PKHD1: variants seen among roughly 807,000 people sequenced by gnomAD.
The protein encoded by PKHD1 is fibrocystin.
A neutral mutation model predicts 412.0 loss-of-function variants in PKHD1; 291 were observed. That is an observed-to-expected ratio of 0.71 (90% CI 0.64 to 0.78). PKHD1 has a LOEUF of 0.78. Among genes scored for constraint, PKHD1 ranks in the 30% least tolerant of loss-of-function variants. The pLI is 0.00. For synonymous variants in PKHD1, 1,777 were observed against 1,821.5 expected, an observed-to-expected ratio of 0.98 and a Z score of 0.62; for missense variants, 4,825 against 4,950.7, an observed-to-expected ratio of 0.97 and a Z score of 0.76.
chr6:52,045,156 T>C, intron 24 of PKHD1, 68 bp from the exon 25 acceptor site: 1 of 1,498,270 alleles, frequency 6.7e-7, no homozygotes. Context: ...AATCAAATAA[T>C]AAAGAGTTTT....
intron 60 of PKHD1, among the ~76,000 whole-genome samples, chr6:51,730,078 T>G (rs1003585084): frequency 6.6e-5 from 10 of 152,190 alleles, no homozygotes; most frequent in African/African-American, 2.4e-4. Flanking sequence ...CTTTGCAAAT[T>G]TTTTCAGTTG....
chr6:51,885,260 ATGAT>A (rs894270118), intron 45 of PKHD1, among the ~76,000 whole-genome samples: 6 of 152,186 alleles, frequency 3.9e-5, no homozygotes, highest in African/African-American at 1.4e-4. Flanking sequence ...TGAAGAGTAA[ATGAT>A]TGAACATGAA....
intron 57 of PKHD1, among the ~76,000 whole-genome samples, chr6:51,752,756 G>C (rs1379696722): frequency 6.6e-6 from 1 of 152,170 alleles, no homozygotes; most frequent in Admixed American, 6.6e-5. Context: ...AAACAAGAAA[G>C]ATTGAACTGA....
Position 51,638,955 on chromosome 6 carries a change from C to T in PKHD1, c.11400G>A (p.Gly3800=), listed in dbSNP as rs149427926. Residue 3800 remains glycine, a splice_region_variant and synonymous_variant, in exon 64 of 67, where the codon GGG becomes GGA. Transcript: ENST00000371117. ...CATCTTGAGTTTCTGCCTGGGTGCA[C>T]CCTACAAAAAAGTACAAAACAAAAA... is the stretch of plus-strand genomic sequence containing the variant. ...LEGASDSVLK[G]CTQAETQDGY... is the part of the protein sequence containing the mutation. 341 of 1,610,040 alleles carry T rather than the reference C, an allele frequency of 2.1e-4. 1 individual carries two copies. The highest frequency in any genetic ancestry group is 5.3e-5 in the African/African-American group (4 of 74,816).
In PKHD1 at chr6:52,071,040, C is replaced by T. The variant is rs144025892; in HGVS notation, c.633G>A (p.Gly211=). Residue 211 remains glycine, a synonymous_variant, in exon 9 of 67, where the codon GGG becomes GGA. Transcript: ENST00000371117. ...CYPIQEDHGL[G]TLQCHVEGDY... ...CGCCTTCCACATGGCACTGCAGAGT[C>T]CCAAGACCATGGTCCTCCTGAATAG... 2.6e-4 allele frequency: 422 copies of T among 1,608,214 alleles called. 1 individual carries two copies. In the Middle Eastern group the frequency reaches 3.0e-3, roughly 11 times the overall value.
rs543749463 is a variant in PKHD1 at position 51,949,536 on chromosome 6, C to T, written c.5908+10334G>A. Among the ~76,000 whole-genome samples the T allele has an allele frequency of 1.6e-3, 248 of 152,320 alleles. 3 individuals carry two copies. The highest frequency in any genetic ancestry group is 5.4e-3 in the African/African-American group (226 of 41,560). ...TGCATTGTGACACGGATGGACACAGCTTCCTTTGTTGGCAAGATCCGGATT... is the reference window on the plus strand; with the variant it reads ...TGCATTGTGACACGGATGGACACAGTTTCCTTTGTTGGCAAGATCCGGATT... On this transcript the variant is annotated intron_variant, in intron 36 of 66. Coordinates refer to ENST00000371117, the MANE Select transcript of PKHD1 (RefSeq NM_138694.4).
rs1766286798 is a variant in PKHD1 at position 51,619,103 on chromosome 6, T to C, written c.12203A>G (p.Glu4068Gly). 2.5e-6 allele frequency: 4 copies of C among 1,614,216 alleles called. No individual in the cohort carries two copies. Among genetic ancestry groups the C allele is most frequent in the Non-Finnish European group, 3.4e-6 (4 of 1,180,020 alleles). ...EAFCLHSVHP[E>G]TIQEQL Reference sequence around the variant, plus strand: ...TGATCACAGTTGCTCCTGAATAGTTTCCGGGTGTACTGAATGAAGGCAGAA... The same window carrying C: ...TGATCACAGTTGCTCCTGAATAGTTCCCGGGTGTACTGAATGAAGGCAGAA... Residue 4068 changes from glutamate to glycine, a missense_variant, in exon 67 of 67, where the codon GAA becomes GGA. By Grantham distance (98) the Glu-to-Gly change is moderately conservative (BLOSUM62 -2). Transcript: ENST00000371117.
chr6:51,707,737 G>A (rs1228500718), intron 60 of PKHD1, among the ~76,000 whole-genome samples: 1 of 152,042 alleles, frequency 6.6e-6, no homozygotes, highest in Non-Finnish European at 1.5e-5. Flanking sequence ...TATCAATAAA[G>A]TCTATATTAT....
intron 58 of PKHD1, 66 bp downstream of exon 58, chr6:51,747,721 T>C (rs1785394695): frequency 1.4e-6 from 2 of 1,382,922 alleles, no homozygotes; most frequent in African/African-American, 1.4e-5. Context: ...AATTTCAGAA[T>C]GCCATTAAAA....
At chr6:51,753,105 G>A in intron 57 of PKHD1, 96 bp downstream of exon 57, 1 of 1,102,738 alleles carries the variant, frequency 9.1e-7, no homozygotes, top group African/African-American at 1.6e-5. Flanking sequence ...TGAACATTTT[G>A]TTTTATAAAT....
rs749231751 is a variant in PKHD1, at chr6:52,079,915, A to C, written c.375T>G (p.Asp125Glu). ...TAGAACCCACCTTGAAAGTACAGCT[A>C]TCTCGTGGTCCTGGATTTGGACTGC... ...LVSSPNPGPRDSCTFKFSKAQ... is the reference protein window; with the variant it reads ...LVSSPNPGPRESCTFKFSKAQ... The change falls in exon 5 of 67, where the codon GAT (aspartate) becomes GAG (glutamate). Residue 125 changes from aspartate to glutamate, a missense_variant. Coordinates refer to ENST00000371117, the MANE Select transcript of PKHD1 (RefSeq NM_138694.4). 6.3e-7 allele frequency: 1 copy of C among 1,590,826 alleles called. No individual in the cohort carries two copies. Among genetic ancestry groups the C allele is most frequent in the Non-Finnish European group, 8.6e-7 (1 of 1,158,872 alleles).
intron 8 of PKHD1, 32 bp from the exon 9 acceptor site, chr6:52,071,102 C>T: frequency 7.1e-7 from 1 of 1,400,374 alleles, no homozygotes; most frequent in Non-Finnish European, 1.0e-6. Flanking sequence ...GTAAGAATGA[C>T]CAGACAACTC....
intron 49 of PKHD1, 107 bp downstream of exon 49, chr6:51,855,786 T>G (rs532840926): frequency 1.1e-6 from 1 of 917,994 alleles, no homozygotes; most frequent in African/African-American, 1.6e-5. Context: ...ATGCCAAGAC[T>G]TTCAATAACG....
intron 37 of PKHD1, among the ~76,000 whole-genome samples, chr6:51,920,069 C>T (rs75056724): frequency 3.3e-5 from 5 of 152,182 alleles, no homozygotes; most frequent in Non-Finnish European, 7.3e-5. Context: ...ATGTAATTTG[C>T]AAACAGGGAC....
intron 58 of PKHD1, 25 bp from the exon 59 acceptor site, chr6:51,746,914 T>C (rs765047689): frequency 1.5e-6 from 2 of 1,335,540 alleles, no homozygotes; most frequent in South Asian, 2.5e-5. Context: ...ATATGTATCA[T>C]AATATTATAT....
intron 60 of PKHD1, chr6:51,741,150 A>C (rs1433222980): frequency 1.9e-6 from 1 of 518,978 alleles, no homozygotes; most frequent in Non-Finnish European, 3.8e-6. Flanking sequence ...GCAAGAACAT[A>C]TTTGTGCCTA....
Position 51,753,321 on chromosome 6 carries a change from T to TG in PKHD1, c.8829dup (p.Ile2944HisfsTer6), listed in dbSNP as rs2151011995. On this transcript the variant is annotated frameshift_variant, in exon 57 of 67. Transcript: ENST00000371117. LOFTEE classifies it high-confidence loss of function. ...AGTCCAACCTCAGCAGCCAAACGAA[T>TG]GTGTCGGCCATCCTCCGTGACATGT... The TG allele has an allele frequency of 6.2e-7, 1 of 1,613,828 alleles. No individual in the cohort carries two copies. Among genetic ancestry groups the TG allele is most frequent in the Middle Eastern group, 1.7e-4 (1 of 6,060 alleles).
chr6:52,067,064 A>C (rs1344756563), intron 11 of PKHD1, among the ~76,000 whole-genome samples: 1 of 152,168 alleles, frequency 6.6e-6, no homozygotes, highest in Non-Finnish European at 1.5e-5. Context: ...ATTTTGTGTA[A>C]ACTGAAGGTA....
At chr6:52,011,914 C>T (rs1799879909) in intron 34 of PKHD1, among the ~76,000 whole-genome samples, 1 of 152,208 alleles carries the variant, frequency 6.6e-6, no homozygotes, top group Non-Finnish European at 1.5e-5. Context: ...TTATCTGAGC[C>T]TCCTTCTCAC....
Sources: allele counts gnomAD v4.1 joint callset (sites outside exome capture counted in the v4.1 genomes callset), GRCh38; gene constraint gnomAD v4.1.1; transcripts MANE v1.5; gene names NCBI Gene and HGNC (gene_info 2026-07-23, HGNC 2026-07-21).